Variants in CNTN5 observed in about 807,000 individuals in gnomAD.
CNTN5 encodes the protein contactin-5.
Under a neutral mutation model 129.1 loss-of-function variants are expected in CNTN5, and 77 were observed. That is an observed-to-expected ratio of 0.60 (90% CI 0.50 to 0.72). The LOEUF is 0.72. CNTN5 is among the 30% of genes least tolerant of loss of function. The pLI is 0.00. For synonymous variants in CNTN5, 509 were observed against 465.6 expected (o/e 1.09, Z -1.20); for missense variants, 1,478 against 1,328.8 (o/e 1.11, Z -1.75).
chr11:99,133,404 A>T (rs1260760504), intron 1 of CNTN5, among the ~76,000 whole-genome samples: 1 of 152,080 alleles, frequency 6.6e-6, no homozygotes, highest in Non-Finnish European at 1.5e-5. Flanking sequence ...AAATTGGCAA[A>T]TGGGATCTAA....
At chr11:99,192,642 C>T (rs1858702349) in intron 1 of CNTN5, among the ~76,000 whole-genome samples, 1 of 151,826 alleles carries the variant, frequency 6.6e-6, no homozygotes, top group Non-Finnish European at 1.5e-5. Flanking sequence ...GTATCTACAC[C>T]ATGAATTTAA....
chr11:99,698,771 AAAATG>A (rs1305824535), intron 3 of CNTN5, among the ~76,000 whole-genome samples: 2 of 151,190 alleles, frequency 1.3e-5, no homozygotes, highest in African/African-American at 4.8e-5. Context: ...GGAAAATAGA[AAAATG>A]AAATTACTGA....
intron 3 of CNTN5, among the ~76,000 whole-genome samples, chr11:99,567,130 TTCTG>T (rs1400351611): frequency 1.3e-4 from 20 of 152,146 alleles, no homozygotes; most frequent in Non-Finnish European, 2.6e-4. Context: ...CTCAGAAAGA[TTCTG>T]TCTGTCTATA....
rs187651232 is a variant in CNTN5 at position 100,234,563 on chromosome 11, G to A, written c.2005+9751G>A. ...AAGAACAGAAAACCAAACACCACAT[G>A]TTCTCACTCATAAGTGGGAATTGAA... On this transcript the variant is annotated intron_variant, in intron 16 of 24. Transcript: ENST00000524871. Among the ~76,000 whole-genome samples, 512 of 151,118 alleles carry A rather than the reference G, an allele frequency of 3.4e-3. 1 individual carries two copies. Among genetic ancestry groups the A allele is most frequent in the South Asian group, 0.017 (79 of 4,766 alleles).
chr11:99,545,168 G>A (rs1948250228), intron 2 of CNTN5, among the ~76,000 whole-genome samples: 1 of 152,152 alleles, frequency 6.6e-6, no homozygotes, highest in Non-Finnish European at 1.5e-5. Context: ...CAGGTAAAAA[G>A]GTTTAATGTG....
At chr11:99,894,031 C>T (rs1202905510) in intron 6 of CNTN5, among the ~76,000 whole-genome samples, 1 of 151,920 alleles carries the variant, frequency 6.6e-6, no homozygotes, top group South Asian at 2.1e-4. Flanking sequence ...TACTGGTATC[C>T]TTAATGCCAG....
At chr11:99,104,918 C>T (rs564024182) in intron 1 of CNTN5, among the ~76,000 whole-genome samples, 1 of 152,128 alleles carries the variant, frequency 6.6e-6, no homozygotes, top group East Asian at 1.9e-4. Flanking sequence ...AAAATAAAGA[C>T]AAGATTAGTA....
At chr11:99,022,869 A>T (rs1227108217) in intron 1 of CNTN5, among the ~76,000 whole-genome samples, 1 of 152,204 alleles carries the variant, frequency 6.6e-6, no homozygotes, top group Non-Finnish European at 1.5e-5. Flanking sequence ...AAATTATTTA[A>T]AACTTCTGAA....
intron 7 of CNTN5, among the ~76,000 whole-genome samples, chr11:99,932,645 T>A (rs1950219279): frequency 6.6e-6 from 1 of 152,196 alleles, no homozygotes; most frequent in Non-Finnish European, 1.5e-5. Context: ...CCATAATTCC[T>A]CATTTTCAAA....
At chr11:99,579,685 C>G (rs1313801223) in intron 3 of CNTN5, among the ~76,000 whole-genome samples, 1 of 136,954 alleles carries the variant, frequency 7.3e-6, no homozygotes, top group Non-Finnish European at 1.5e-5. Flanking sequence ...GATTTTGTAT[C>G]CTGAGACTTT....
intron 7 of CNTN5, 72 bp from the exon 8 acceptor site, chr11:99,956,734 T>A (rs1431768146): frequency 9.0e-7 from 1 of 1,110,014 alleles, no homozygotes; most frequent in Non-Finnish European, 1.4e-6. Context: ...TTCTAAAGGC[T>A]TTGTTGTTTG....
intron 15 of CNTN5, among the ~76,000 whole-genome samples, chr11:100,194,937 T>C (rs547699159): frequency 9.9e-5 from 15 of 151,718 alleles, no homozygotes; most frequent in East Asian, 5.8e-4. Context: ...TAAGAAACAA[T>C]TGCCAACTAC....
chr11:99,368,658 T>A (rs979014452), intron 2 of CNTN5, among the ~76,000 whole-genome samples: 2 of 152,168 alleles, frequency 1.3e-5, no homozygotes, highest in African/African-American at 4.8e-5. Flanking sequence ...ATCGTAAGAC[T>A]ACAGCATACA....
At chr11:99,923,486 A>G (rs1311181355) in intron 7 of CNTN5, among the ~76,000 whole-genome samples, 3 of 152,222 alleles carry the variant, frequency 2.0e-5, no homozygotes, top group Non-Finnish European at 4.4e-5. Context: ...TTTCTACATA[A>G]ATAAGTCATT....
chr11:99,142,764 T>C (rs544568491), intron 1 of CNTN5, among the ~76,000 whole-genome samples: 1 of 152,212 alleles, frequency 6.6e-6, no homozygotes, highest in East Asian at 1.9e-4. Context: ...CTACACAGGC[T>C]AGAGTCCTGT....
intron 3 of CNTN5, among the ~76,000 whole-genome samples, chr11:99,784,209 T>C (rs1013342785): frequency 6.6e-6 from 1 of 152,078 alleles, no homozygotes; most frequent in Non-Finnish European, 1.5e-5. Flanking sequence ...GTTTGTTACT[T>C]AGGTATACAT....
intron 3 of CNTN5, among the ~76,000 whole-genome samples, chr11:99,760,962 G>A (rs982386347): frequency 3.3e-5 from 5 of 152,006 alleles, no homozygotes; most frequent in Non-Finnish European, 7.4e-5. Flanking sequence ...CTAATGATGT[G>A]GGTTATTTGT....
At chr11:99,454,802 G>C (rs905305964) in intron 2 of CNTN5, among the ~76,000 whole-genome samples, 1 of 152,016 alleles carries the variant, frequency 6.6e-6, no homozygotes, top group African/African-American at 2.4e-5. Context: ...AATTGGTACT[G>C]TATGGATTGG....
chr11:99,026,891 T>C (rs1368391286), intron 1 of CNTN5, among the ~76,000 whole-genome samples: 1 of 151,576 alleles, frequency 6.6e-6, no homozygotes, highest in Non-Finnish European at 1.5e-5. Flanking sequence ...TATTAGAATA[T>C]AAATATATGT....
Sources: allele counts gnomAD v4.1 joint callset (sites outside exome capture counted in the v4.1 genomes callset), GRCh38; gene constraint gnomAD v4.1.1; transcripts MANE v1.5; gene names NCBI Gene and HGNC (gene_info 2026-07-23, HGNC 2026-07-21).